Variants in LRIF1 observed in about 807,000 individuals in gnomAD.
LRIF1 encodes ligand-dependent nuclear receptor-interacting factor 1.
A neutral mutation model predicts 52.7 loss-of-function variants in LRIF1; 32 were observed. The ratio of observed to expected loss-of-function variants is 0.61; its 90% CI spans 0.46 to 0.82. The LOEUF is 0.82. LRIF1 is among the 40% of genes least tolerant of loss of function. The probability of loss-of-function intolerance (pLI) is 0.00; values close to 1 mark genes in which losing one functional copy is unlikely to be tolerated. For missense variants in LRIF1, 887 were observed against 892.0 expected (o/e 0.99, Z 0.07); for synonymous variants, 323 against 317.4 (o/e 1.02, Z -0.19).
chr1:110,901,173 TTTTG>T, the LRIF1 span, among the ~76,000 whole-genome samples: 6 of 151,996 alleles, frequency 3.9e-5, no homozygotes, highest in East Asian at 3.8e-4. Flanking sequence ...TGTTTTTTGT[TTTTG>T]TTTGTTTGTT....
chr1:110,956,124 AT>A (rs1440495844), intron 1 of LRIF1, among the ~76,000 whole-genome samples: 1 of 152,236 alleles, frequency 6.6e-6, no homozygotes, highest in East Asian at 1.9e-4. Flanking sequence ...AAGAGCAAAA[AT>A]ATGGAAAGAT....
chr1:110,897,186 C>G, the LRIF1 span, among the ~76,000 whole-genome samples: 2 of 152,170 alleles, frequency 1.3e-5, no homozygotes, highest in African/African-American at 4.8e-5. Flanking sequence ...TTGAGGGAGA[C>G]AGAGTTAGTG....
downstream of LRIF1, among the ~76,000 whole-genome samples, chr1:110,946,104 AT>A (rs1658198111): frequency 6.6e-6 from 1 of 152,242 alleles, no homozygotes; most frequent in African/African-American, 2.4e-5. Context: ...CCAAATATTC[AT>A]AACGAATGGA....
chr1:110,905,025 C>A, the LRIF1 span, among the ~76,000 whole-genome samples: 1 of 151,984 alleles, frequency 6.6e-6, no homozygotes, highest in Non-Finnish European at 1.5e-5. Context: ...AGTAGCAGAA[C>A]TGATCAGGAA....
rs753412922 is a variant in LRIF1, at chr1:110,952,623, A to T, written c.261T>A (p.Ser87=). Residue 87 remains serine, a synonymous_variant, in exon 2 of 4, where the codon TCT becomes TCA. Coordinates refer to ENST00000369763, the MANE Select transcript of LRIF1 (RefSeq NM_018372.4). ...GCAATTGAACTGATGCACTTGTGGA[A>T]GAGCTGGAAATCTGAGTCTGAAAAG... is the stretch of plus-strand genomic sequence containing the variant. The part of the protein sequence containing the change: ...QVTFQTQISS[S]STSASVQLPI... 5 of 1,614,040 alleles carry T rather than the reference A, an allele frequency of 3.1e-6. No individual in the cohort carries two copies. Among genetic ancestry groups the T allele is most frequent in the Non-Finnish European group, 8.5e-7 (1 of 1,179,996 alleles).
intron 1 of LRIF1, among the ~76,000 whole-genome samples, chr1:110,957,470 C>CAAAAA (rs34396800): frequency 0.012 from 525 of 42,768 alleles, 43 homozygotes; most frequent in African/African-American, 0.055. Flanking sequence ...GACTCAGTCT[C>CAAAAA]AAAAAAAAAA....
the LRIF1 span, among the ~76,000 whole-genome samples, chr1:110,905,579 C>T: frequency 1.3e-4 from 20 of 152,104 alleles, no homozygotes; most frequent in African/African-American, 4.8e-4. Flanking sequence ...CTTTCCCAGA[C>T]AAACAAAAGC....
chr1:110,933,688 G>C, the LRIF1 span, among the ~76,000 whole-genome samples: 3 of 152,180 alleles, frequency 2.0e-5, no homozygotes, highest in African/African-American at 7.2e-5. Context: ...GTCGAAACTT[G>C]AGTTAATGCA....
intron 3 of LRIF1, 130 bp from the exon 4 acceptor site, chr1:110,948,529 C>T (rs1275877373): frequency 3.0e-6 from 4 of 1,326,204 alleles, no homozygotes; most frequent in Admixed American, 5.6e-5. Context: ...TTATGGAAGA[C>T]AACTACAGCA....
the LRIF1 span, chr1:110,899,470 AAACTGGATTTAATGGCCC>A: frequency 1.9e-5 from 6 of 322,520 alleles, no homozygotes; most frequent in Non-Finnish European, 2.3e-5. Context: ...AGGCAAAGAC[AAACTGGATTTAATGGCCC>A]AACATCAAAG....
the LRIF1 span, among the ~76,000 whole-genome samples, chr1:110,883,992 A>T: frequency 1.4e-4 from 22 of 152,088 alleles, no homozygotes; most frequent in Non-Finnish European, 2.7e-4. Flanking sequence ...TGGGGTTTTT[A>T]AAATTGTTCT....
the LRIF1 span, chr1:110,892,621 G>C: frequency 1.9e-6 from 2 of 1,055,702 alleles, no homozygotes; most frequent in Non-Finnish European, 2.8e-6. Flanking sequence ...ATCACTTATA[G>C]GCACAGAAAG....
chr1:110,894,505 G>T, the LRIF1 span: 1 of 893,900 alleles, frequency 1.1e-6, no homozygotes, highest in Non-Finnish European at 1.8e-6. Flanking sequence ...AATAGAGATA[G>T]AAATGAAGTG....
chr1:110,885,504 C>T, the LRIF1 span, among the ~76,000 whole-genome samples: 1 of 152,038 alleles, frequency 6.6e-6, no homozygotes, highest in African/African-American at 2.4e-5. Context: ...CGCCACTGCA[C>T]TCCAGCCTGG....
At chr1:110,929,596 AC>A in the LRIF1 span, among the ~76,000 whole-genome samples, 3 of 152,062 alleles carry the variant, frequency 2.0e-5, no homozygotes, top group African/African-American at 4.8e-5. Flanking sequence ...TACTTTGTCT[AC>A]TTTTTAATGG....
At chr1:110,945,544 G>A (rs1195292043), downstream of LRIF1, among the ~76,000 whole-genome samples, 3 of 151,916 alleles carry the variant, frequency 2.0e-5, no homozygotes, top group Non-Finnish European at 4.4e-5. Flanking sequence ...TCCTGCCCCA[G>A]CATTCCCAGT....
rs750963908 is a variant in LRIF1 at position 110,949,935 on chromosome 1, T to G, written c.1785A>C (p.Glu595Asp). The G allele has an allele frequency of 6.2e-7, 1 of 1,614,160 alleles. No homozygotes were observed. The highest frequency in any genetic ancestry group is 8.5e-7 in the Non-Finnish European group (1 of 1,180,026). The change falls in exon 3 of 4, where the codon GAA (glutamate) becomes GAC (aspartate). Residue 595 changes from glutamate (E) to aspartate (D), a missense_variant. Physicochemically the swap from Glu to Asp is conservative, Grantham distance 45 (BLOSUM62 2). Transcript: ENST00000369763. ...TRIPDHLTSGEGFDSFSSLVK... is the reference protein window; with the variant it reads ...TRIPDHLTSGDGFDSFSSLVK... ...CCAAACTGCTAAAGGAATCGAAACCTTCTCCAGAGGTCAAATGGTCAGGAA... is the reference window on the plus strand; with the variant it reads ...CCAAACTGCTAAAGGAATCGAAACCGTCTCCAGAGGTCAAATGGTCAGGAA...
chr1:110,898,379 G>A, the LRIF1 span, among the ~76,000 whole-genome samples: 218 of 115,516 alleles, frequency 1.9e-3, no homozygotes, highest in African/African-American at 3.0e-3. Context: ...TCTGTCTCCA[G>A]AAAAAAAAAA....
At chr1:110,908,038 C>T in the LRIF1 span, among the ~76,000 whole-genome samples, 2 of 152,070 alleles carry the variant, frequency 1.3e-5, no homozygotes, top group East Asian at 3.9e-4. Context: ...ATCACGGTGA[C>T]CTTTCAGAGA....
Sources: gnomAD v4.1 joint callset for allele counts (sites outside exome capture counted in the v4.1 genomes callset) on GRCh38, gnomAD v4.1.1 for gene constraint, MANE v1.5 for transcripts, NCBI Gene and HGNC (gene_info 2026-07-23, HGNC 2026-07-21) for gene names.